CNTNAP2: variants seen among roughly 807,000 people sequenced by gnomAD.
The protein encoded by CNTNAP2 is contactin-associated protein-like 2.
In CNTNAP2, 98 loss-of-function variants were observed where a neutral mutation model predicts 155.2. The observed-to-expected ratio is 0.63, with a 90% CI of 0.54 to 0.75. CNTNAP2 has a LOEUF of 0.75. Among genes scored for constraint, CNTNAP2 ranks in the 30% least tolerant of loss-of-function variants. CNTNAP2 has a pLI of 0.00. For missense variants in CNTNAP2, 1,727 were observed against 1,688.1 expected (o/e 1.02, Z -0.40); for synonymous variants, 651 against 631.2 (o/e 1.03, Z -0.47).
chr7:146,748,535 G>T (rs1027759016), intron 1 of CNTNAP2, among the ~76,000 whole-genome samples: 1 of 152,052 alleles, frequency 6.6e-6, no homozygotes, highest in Admixed American at 6.6e-5. Context: ...TGAACAAAAA[G>T]GCAATTAAAA....
At chr7:148,283,255 A>AAAAAAAAG (rs1797008189) in intron 21 of CNTNAP2, among the ~76,000 whole-genome samples, 1 of 63,624 alleles carries the variant, frequency 1.6e-5, no homozygotes, top group Non-Finnish European at 2.9e-5. Flanking sequence ...AAAAAAAAAA[A>AAAAAAAAG]AAAGAAAGAA....
At chr7:146,680,262 G>T (rs168257) in intron 1 of CNTNAP2, among the ~76,000 whole-genome samples, 106,436 of 152,112 alleles carry the variant, frequency 0.7, 38,225 homozygotes, top group South Asian at 0.86. Context: ...GTAACCACAT[G>T]TTATGTGTGG....
intron 8 of CNTNAP2, among the ~76,000 whole-genome samples, chr7:147,203,785 A>T (rs992884336): frequency 1.2e-4 from 18 of 152,186 alleles, no homozygotes; most frequent in Admixed American, 1.0e-3. Flanking sequence ...AACTATGTAT[A>T]CCTGACACTG....
At chr7:146,553,814 T>A (rs1394795751) in intron 1 of CNTNAP2, among the ~76,000 whole-genome samples, 1 of 152,162 alleles carries the variant, frequency 6.6e-6, no homozygotes, top group Non-Finnish European at 1.5e-5. Context: ...TGTGAGCTCT[T>A]CTCACTTCCA....
intron 12 of CNTNAP2, among the ~76,000 whole-genome samples, chr7:147,572,009 G>C (rs1004391733): frequency 6.6e-6 from 1 of 152,186 alleles, no homozygotes; most frequent in African/African-American, 2.4e-5. Context: ...AGCAAGTCCT[G>C]CTTCACGCAT....
intron 10 of CNTNAP2, among the ~76,000 whole-genome samples, chr7:147,409,192 G>A (rs1797059780): frequency 6.6e-6 from 1 of 152,166 alleles, no homozygotes; most frequent in Non-Finnish European, 1.5e-5. Context: ...TTGAGCAATA[G>A]AGAGTGGTAA....
At chr7:148,148,269 C>T (rs764253106) in intron 17 of CNTNAP2, among the ~76,000 whole-genome samples, 11 of 152,164 alleles carry the variant, frequency 7.2e-5, no homozygotes, top group Non-Finnish European at 1.3e-4. Context: ...AAAAGTTAAA[C>T]TACCTATGCA....
At chr7:147,641,117 G>A (rs114905211) in intron 13 of CNTNAP2, among the ~76,000 whole-genome samples, 4,199 of 152,264 alleles carry the variant, frequency 0.028, 193 homozygotes, top group African/African-American at 0.095. Flanking sequence ...AAAGCTTGCC[G>A]GCCTGGCTCT....
At chr7:146,921,524 C>T (rs1196455562) in intron 3 of CNTNAP2, among the ~76,000 whole-genome samples, 1 of 152,066 alleles carries the variant, frequency 6.6e-6, no homozygotes, top group Non-Finnish European at 1.5e-5. Flanking sequence ...CACAGTTCTG[C>T]ATAGCTGGGG....
At chr7:147,850,372 A>C (rs202010394) in intron 13 of CNTNAP2, among the ~76,000 whole-genome samples, 11 of 152,202 alleles carry the variant, frequency 7.2e-5, no homozygotes, top group Admixed American at 3.9e-4. Flanking sequence ...GTGCCATCCC[A>C]ATCAAGCTAC....
At chr7:146,551,244 C>T (rs921321554) in intron 1 of CNTNAP2, among the ~76,000 whole-genome samples, 3 of 151,930 alleles carry the variant, frequency 2.0e-5, no homozygotes, top group Admixed American at 6.6e-5. Context: ...CCCACCAACT[C>T]GTCATTTAAC....
At chr7:146,346,658 C>T (rs1794822715) in intron 1 of CNTNAP2, among the ~76,000 whole-genome samples, 1 of 151,912 alleles carries the variant, frequency 6.6e-6, no homozygotes, top group Non-Finnish European at 1.5e-5. Context: ...GCCTGGGTGA[C>T]AGAAGATCAC....
At chr7:147,740,000 T>G (rs1796928711) in intron 13 of CNTNAP2, among the ~76,000 whole-genome samples, 1 of 152,120 alleles carries the variant, frequency 6.6e-6, no homozygotes, top group African/African-American at 2.4e-5. Flanking sequence ...TGCCCACAAC[T>G]CCAGGTGTCT....
At chr7:148,345,558 C>G (rs184749327) in intron 21 of CNTNAP2, among the ~76,000 whole-genome samples, 106 of 152,098 alleles carry the variant, frequency 7.0e-4, no homozygotes, top group Middle Eastern at 3.4e-3. Flanking sequence ...TTTTACTCTA[C>G]TATTTTAGAA....
At chr7:148,228,162 T>C (rs1795890366) in intron 19 of CNTNAP2, among the ~76,000 whole-genome samples, 1 of 152,166 alleles carries the variant, frequency 6.6e-6, no homozygotes, top group Non-Finnish European at 1.5e-5. Flanking sequence ...TCTTGCTAGA[T>C]TGCTGGCTCC....
At chr7:147,635,453 G>T (rs1452619521) in intron 12 of CNTNAP2, among the ~76,000 whole-genome samples, 1 of 151,906 alleles carries the variant, frequency 6.6e-6, no homozygotes, top group Non-Finnish European at 1.5e-5. Context: ...AATGCTTATT[G>T]CACTGTGGTT....
chr7:146,337,757 C>T (rs1255792611), intron 1 of CNTNAP2, among the ~76,000 whole-genome samples: 1 of 152,086 alleles, frequency 6.6e-6, no homozygotes, highest in Non-Finnish European at 1.5e-5. Flanking sequence ...CAGGTGTTAG[C>T]CACCACACCC....
chr7:147,889,172 G>A (rs1323094592), intron 13 of CNTNAP2, among the ~76,000 whole-genome samples: 1 of 151,488 alleles, frequency 6.6e-6, no homozygotes, highest in Non-Finnish European at 1.5e-5. Flanking sequence ...TAAACCAGTA[G>A]AAAATATATG....
intron 13 of CNTNAP2, among the ~76,000 whole-genome samples, chr7:147,664,676 T>C (rs1248209712): frequency 2.0e-5 from 3 of 152,168 alleles, no homozygotes; most frequent in Non-Finnish European, 2.9e-5. Flanking sequence ...TTGAATCTAC[T>C]CTGTAAATAG....
Sources: allele counts gnomAD v4.1 joint callset (sites outside exome capture counted in the v4.1 genomes callset), GRCh38; gene constraint gnomAD v4.1.1; transcripts MANE v1.5; gene names NCBI Gene and HGNC (gene_info 2026-07-23, HGNC 2026-07-21).